The following MRTFB variants were observed in gnomAD, a reference collection of about 807,000 sequenced individuals.
MRTFB encodes the protein myocardin-related transcription factor B.
In MRTFB, 29 loss-of-function variants were observed where a neutral mutation model predicts 104.2. That is an observed-to-expected ratio of 0.28 (90% CI 0.21 to 0.38). The LOEUF (loss-of-function observed/expected upper bound fraction) is 0.38, where lower values mean the gene tolerates loss of function less well. Among genes scored for constraint, MRTFB ranks in the 10% least tolerant of loss-of-function variants. The pLI is 1.00. For synonymous variants in MRTFB, 535 were observed against 519.5 expected, an observed-to-expected ratio of 1.03 and a Z score of -0.41; for missense variants, 1,270 against 1,341.6, an observed-to-expected ratio of 0.95 and a Z score of 0.83.
In MRTFB at chr16:14,079,865, AACATACTTTTAGAAATC is replaced by A. The variant is rs1482449861; in HGVS notation, c.-64+512_-64+528del. On this transcript the variant is annotated intron_variant, in intron 2 of 16. Coordinates refer to ENST00000571589, the MANE Select transcript of MRTFB (RefSeq NM_001308142.2). ...AATGACTGCTATTAATATTTTGGTG[AACATACTTTTAGAAATC>A]TATCTATGGATATAGAAGAATTTAT... 2.6e-5 allele frequency among the ~76,000 whole-genome samples: 4 copies of A among 152,208 alleles called. No individual in the cohort carries two copies. In the East Asian group the frequency reaches 7.7e-4, roughly 29 times the overall value.
the MRTFB span, among the ~76,000 whole-genome samples, chr16:14,050,364 A>T: frequency 6.6e-6 from 1 of 152,020 alleles, no homozygotes; most frequent in African/African-American, 2.4e-5. Flanking sequence ...CAAAGTCTCA[A>T]TTTTTTTCCT....
chr16:14,211,931 T>C (rs1049535298), intron 4 of MRTFB, among the ~76,000 whole-genome samples: 3 of 152,154 alleles, frequency 2.0e-5, no homozygotes, highest in African/African-American at 7.2e-5. Flanking sequence ...AAATAAATGA[T>C]ACCTCAAATC....
chr16:14,039,491 A>G, the MRTFB span, among the ~76,000 whole-genome samples: 9 of 152,136 alleles, frequency 5.9e-5, no homozygotes, highest in African/African-American at 2.2e-4. Context: ...ACTGAGGGCC[A>G]TCTCAGGCTG....
intron 2 of MRTFB, among the ~76,000 whole-genome samples, chr16:14,091,305 G>T (rs2035051630): frequency 6.6e-6 from 1 of 152,170 alleles, no homozygotes; most frequent in African/African-American, 2.4e-5. Context: ...ACTATCTTAA[G>T]TTAAAAGGGG....
At chr16:14,017,711 A>T in the MRTFB span, among the ~76,000 whole-genome samples, 3,130 of 33,554 alleles carry the variant, frequency 0.093, 640 homozygotes, top group African/African-American at 0.15. Context: ...ATATATATAT[A>T]TTTTTTTTTT....
chr16:14,061,078 A>G, the MRTFB span, among the ~76,000 whole-genome samples: 6 of 152,232 alleles, frequency 3.9e-5, no homozygotes, highest in South Asian at 2.1e-4. Context: ...CCTGGGAGGC[A>G]GAGCTTGCAG....
intron 2 of MRTFB, among the ~76,000 whole-genome samples, chr16:14,109,292 C>T (rs1426859065): frequency 6.6e-6 from 1 of 152,114 alleles, no homozygotes; most frequent in Non-Finnish European, 1.5e-5. Flanking sequence ...AACTGAACAG[C>T]ACCTGCCACT....
intron 8 of MRTFB, among the ~76,000 whole-genome samples, chr16:14,233,322 G>A (rs1015070554): frequency 1.3e-5 from 2 of 152,190 alleles, no homozygotes; most frequent in Non-Finnish European, 2.9e-5. Flanking sequence ...GTTCTAGTCA[G>A]ATTTGGAGAG....
At chr16:14,108,738 G>A (rs1430290221) in intron 2 of MRTFB, among the ~76,000 whole-genome samples, 1 of 152,140 alleles carries the variant, frequency 6.6e-6, no homozygotes, top group Non-Finnish European at 1.5e-5. Context: ...GTTACATTCT[G>A]AAAAGCTGTA....
At chr16:14,103,327 C>T (rs1338458564) in intron 2 of MRTFB, among the ~76,000 whole-genome samples, 1 of 151,990 alleles carries the variant, frequency 6.6e-6, no homozygotes, top group African/African-American at 2.4e-5. Context: ...TTGAGTTCAG[C>T]GAATAAAGTT....
intron 3 of MRTFB, among the ~76,000 whole-genome samples, chr16:14,166,217 C>CTTTTTT (rs35113283): frequency 3.3e-4 from 37 of 112,470 alleles, no homozygotes; most frequent in East Asian, 9.8e-4. Context: ...GTTTTCTTTT[C>CTTTTTT]TTTTTTTTTT....
At chr16:14,069,873 A>T (rs917877989), upstream of MRTFB, among the ~76,000 whole-genome samples, 7 of 152,212 alleles carry the variant, frequency 4.6e-5, no homozygotes, top group Non-Finnish European at 1.0e-4. Flanking sequence ...AATAGACAGC[A>T]CCTGGAGCAG....
chr16:14,240,124 T>G (rs1322651204), intron 9 of MRTFB, 113 bp from the exon 10 acceptor site: 3 of 1,278,722 alleles, frequency 2.3e-6, no homozygotes. Context: ...AAAGTGGCTG[T>G]ACCCGTATCT....
upstream of MRTFB, among the ~76,000 whole-genome samples, chr16:14,069,443 G>T (rs2141736819): frequency 6.6e-6 from 1 of 152,282 alleles, no homozygotes; most frequent in African/African-American, 2.4e-5. Context: ...GCACATCGTA[G>T]GACTTCTCAG....
At chr16:14,193,163 G>A (rs547257608) in intron 3 of MRTFB, among the ~76,000 whole-genome samples, 1 of 114,260 alleles carries the variant, frequency 8.8e-6, no homozygotes, top group South Asian at 3.1e-4. Context: ...AGTGATCATT[G>A]TATTGCGTCA....
At chr16:14,219,103 T>A in intron 8 of MRTFB, 105 bp downstream of exon 8, 2 of 1,178,410 alleles carry the variant, frequency 1.7e-6, no homozygotes, top group Non-Finnish European at 2.2e-6. Context: ...GAATTGAATT[T>A]AAATTGATTT....
At chr16:14,028,470 T>G in the MRTFB span, among the ~76,000 whole-genome samples, 1 of 152,158 alleles carries the variant, frequency 6.6e-6, no homozygotes, top group Non-Finnish European at 1.5e-5. Context: ...TGAGCAGCAG[T>G]GCTGTGCTAG....
chr16:14,147,658 C>T (rs1293163370), intron 3 of MRTFB, among the ~76,000 whole-genome samples: 1 of 152,132 alleles, frequency 6.6e-6, no homozygotes. Context: ...TGAGTTTGAT[C>T]TCCTGCGGGA....
At chr16:14,235,306 T>A (rs1340880864) in intron 9 of MRTFB, among the ~76,000 whole-genome samples, 1 of 152,214 alleles carries the variant, frequency 6.6e-6, no homozygotes, top group African/African-American at 2.4e-5. Flanking sequence ...CATCTTCTGT[T>A]GCTTAGCATT....
Sources: allele counts gnomAD v4.1 joint callset (sites outside exome capture counted in the v4.1 genomes callset), GRCh38; gene constraint gnomAD v4.1.1; transcripts MANE v1.5; gene names NCBI Gene and HGNC (gene_info 2026-07-23, HGNC 2026-07-21).